Variants in PEX5L observed in about 807,000 individuals in gnomAD.
The protein encoded by PEX5L is PEX5-related protein.
Under a neutral mutation model 84.0 loss-of-function variants are expected in PEX5L, and 30 were observed. The ratio of observed to expected loss-of-function variants is 0.36; its 90% confidence interval spans 0.27 to 0.48. The LOEUF (loss-of-function observed/expected upper bound fraction) is 0.48, where lower values mean the gene tolerates loss of function less well. PEX5L is among the 20% of genes least tolerant of loss of function. PEX5L has a pLI of 0.99. For synonymous variants in PEX5L, 270 were observed against 283.1 expected (o/e 0.95, Z 0.46); for missense variants, 533 against 754.6 (o/e 0.71, Z 3.44).
intron 1 of PEX5L, among the ~76,000 whole-genome samples, chr3:180,002,386 C>G (rs1330212306): frequency 1.3e-5 from 2 of 152,200 alleles, no homozygotes; most frequent in African/African-American, 2.4e-5. Flanking sequence ...TTGACAGAAA[C>G]AGGTATTATT....
At chr3:179,804,000 C>G (rs1239655003) in intron 14 of PEX5L, 2 of 152,208 alleles carry the variant, frequency 1.3e-5, no homozygotes, top group African/African-American at 4.8e-5. Flanking sequence ...GGCAGCTCTA[C>G]TGATGTCTCC....
At chr3:179,996,899 T>C (rs919098123) in intron 1 of PEX5L, among the ~76,000 whole-genome samples, 3 of 152,174 alleles carry the variant, frequency 2.0e-5, no homozygotes, top group Non-Finnish European at 4.4e-5. Flanking sequence ...AATCATGGTG[T>C]TCCTAGAAGT....
intron 14 of PEX5L, among the ~76,000 whole-genome samples, chr3:179,803,708 A>G (rs1175756372): frequency 1.3e-5 from 2 of 152,254 alleles, no homozygotes; most frequent in African/African-American, 4.8e-5. Context: ...CAAGGTAGGT[A>G]ATAAGCATCT....
intron 8 of PEX5L, among the ~76,000 whole-genome samples, chr3:179,849,405 G>A (rs941456426): frequency 1.3e-5 from 2 of 152,098 alleles, no homozygotes; most frequent in African/African-American, 4.8e-5. Flanking sequence ...TGATCTCATA[G>A]CACATGAAAT....
rs530454046 is a variant in PEX5L, at chr3:179,800,995, G to A, written c.*833C>T. ...AGCACGTGAATGAAAAGATCTGTTTGCCATATTTACGCCTTATGTCATCGT... is the reference window on the plus strand; with the variant it reads ...AGCACGTGAATGAAAAGATCTGTTTACCATATTTACGCCTTATGTCATCGT... On this transcript the variant is annotated 3_prime_UTR_variant, in exon 15 of 15. Transcript: ENST00000467460. 17 of 152,682 alleles carry A rather than the reference G, an allele frequency of 1.1e-4. No individual in the cohort carries two copies. The highest frequency in any genetic ancestry group is 1.0e-3 in the Admixed American group (16 of 15,300). The allele number at this position is 152,682 out of a possible 1,614,324, so 9.5% of individuals were successfully genotyped here. A position where few individuals can be genotyped will look rare whatever the true frequency, so the allele number is the denominator to read the frequency against.
intron 10 of PEX5L, among the ~76,000 whole-genome samples, chr3:179,812,934 A>G (rs1047891505): frequency 1.3e-5 from 2 of 152,050 alleles, no homozygotes; most frequent in East Asian, 3.9e-4. Flanking sequence ...ACAAAACTCT[A>G]TGAAAGCACA....
intron 14 of PEX5L, among the ~76,000 whole-genome samples, chr3:179,802,613 T>G (rs1351902219): frequency 6.8e-6 from 1 of 146,410 alleles, no homozygotes; most frequent in Non-Finnish European, 1.5e-5. Context: ...GAAAGAATAA[T>G]AGCAAAACCA....
intron 9 of PEX5L, among the ~76,000 whole-genome samples, chr3:179,817,217 T>C (rs939515992): frequency 2.0e-5 from 3 of 152,206 alleles, no homozygotes; most frequent in Non-Finnish European, 4.4e-5. Flanking sequence ...TTTTTTTTAA[T>C]TGTAAAAATT....
chr3:179,896,080 T>C (rs1476226912), intron 3 of PEX5L: 1 of 152,154 alleles, frequency 6.6e-6, no homozygotes, highest in Non-Finnish European at 1.5e-5. Context: ...GCTATGGTTG[T>C]CATGGGAAGT....
chr3:179,882,739 A>C (rs1560525394), intron 4 of PEX5L, among the ~76,000 whole-genome samples: 1 of 152,176 alleles, frequency 6.6e-6, no homozygotes, highest in Non-Finnish European at 1.5e-5. Context: ...TCCTATTTTA[A>C]AGATCCTTCA....
intron 7 of PEX5L, 44 bp from the exon 8 acceptor site, chr3:179,859,201 T>G: frequency 7.2e-7 from 1 of 1,379,670 alleles, no homozygotes; most frequent in Non-Finnish European, 1.0e-6. Context: ...TAGAATCACA[T>G]GTTATTATAG....
At chr3:179,835,273 A>G (rs1462607165) in intron 8 of PEX5L, among the ~76,000 whole-genome samples, 1 of 152,246 alleles carries the variant, frequency 6.6e-6, no homozygotes, top group Non-Finnish European at 1.5e-5. Context: ...AGCCAAATCA[A>G]ATAACCTTTC....
At chr3:179,903,419 G>A (rs1409497714) in intron 2 of PEX5L, among the ~76,000 whole-genome samples, 1 of 152,036 alleles carries the variant, frequency 6.6e-6, no homozygotes, top group African/African-American at 2.4e-5. Context: ...TCTTAGAAAT[G>A]GAGTTTTACT....
At chr3:179,886,453 C>T (rs1225118818) in intron 4 of PEX5L, among the ~76,000 whole-genome samples, 1 of 152,012 alleles carries the variant, frequency 6.6e-6, no homozygotes, top group Non-Finnish European at 1.5e-5. Context: ...ACATATTGTT[C>T]TCACCTAAAA....
intron 7 of PEX5L, among the ~76,000 whole-genome samples, chr3:179,865,032 C>T (rs899311567): frequency 3.9e-5 from 6 of 152,094 alleles, no homozygotes; most frequent in African/African-American, 1.4e-4. Flanking sequence ...TTCTTCCCTT[C>T]GTCAGTGTTT....
chr3:179,892,438 T>C (rs1457428454), intron 3 of PEX5L, among the ~76,000 whole-genome samples: 1 of 152,176 alleles, frequency 6.6e-6, no homozygotes, highest in East Asian at 1.9e-4. Flanking sequence ...AACTGCCAAC[T>C]AGACTGTGAC....
intron 8 of PEX5L, among the ~76,000 whole-genome samples, chr3:179,832,155 G>A (rs568124622): frequency 1.7e-4 from 26 of 152,154 alleles, no homozygotes; most frequent in Admixed American, 1.2e-3. Flanking sequence ...GAGAGAATTA[G>A]GTGGATTTGA....
chr3:180,014,835 T>C (rs1486372400), intron 1 of PEX5L, among the ~76,000 whole-genome samples: 1 of 152,178 alleles, frequency 6.6e-6, no homozygotes, highest in African/African-American at 2.4e-5. Flanking sequence ...ATTGGGATTA[T>C]TATGGTGATT....
chr3:179,874,752 T>G (rs866081533), intron 6 of PEX5L, among the ~76,000 whole-genome samples: 9 of 112,010 alleles, frequency 8.0e-5, no homozygotes, highest in African/African-American at 2.2e-4. Flanking sequence ...TTTTTTTTTT[T>G]TTTTTTTTTT....
Sources: gnomAD v4.1 joint callset for allele counts (sites outside exome capture counted in the v4.1 genomes callset) on GRCh38, gnomAD v4.1.1 for gene constraint, MANE v1.5 for transcripts, NCBI Gene and HGNC (gene_info 2026-07-23, HGNC 2026-07-21) for gene names.